CNOT2: variants seen among roughly 807,000 people sequenced by gnomAD.
CNOT2 encodes CC chemokine receptor 4-negative regulator of transcription 2.
CNOT2 carries 7 observed loss-of-function variants against 72.1 expected under a neutral mutation model. The observed-to-expected ratio is 0.10, with a 90% CI of 0.06 to 0.18. CNOT2 has a LOEUF of 0.18. Ranked by LOEUF, CNOT2 falls within the 10% of genes least tolerant of loss-of-function variation. The pLI is 1.00. For missense variants in CNOT2, 345 were observed against 660.3 expected, an observed-to-expected ratio of 0.52 and a Z score of 5.23; for synonymous variants, 196 against 225.6, an observed-to-expected ratio of 0.87 and a Z score of 1.17.
chr12:70,257,946 G>A (rs1271593097), intron 1 of CNOT2, among the ~76,000 whole-genome samples: 1 of 152,080 alleles, frequency 6.6e-6, no homozygotes, highest in Non-Finnish European at 1.5e-5. Flanking sequence ...TGTAAATTGT[G>A]TCCTTTTTAA....
intron 1 of CNOT2, among the ~76,000 whole-genome samples, chr12:70,270,074 A>G (rs765325059): frequency 3.9e-5 from 6 of 152,196 alleles, no homozygotes; most frequent in Non-Finnish European, 8.8e-5. Context: ...ACTACCTGGC[A>G]TATAGTAGGG....
chr12:70,275,196 C>T (rs190917488), intron 1 of CNOT2, among the ~76,000 whole-genome samples: 28 of 152,152 alleles, frequency 1.8e-4, no homozygotes, highest in Admixed American at 1.6e-3. Flanking sequence ...GAACCACTCT[C>T]CTCTGATTTG....
chr12:70,260,470 CG>C (rs1346097010), intron 1 of CNOT2, among the ~76,000 whole-genome samples: 2 of 151,902 alleles, frequency 1.3e-5, no homozygotes, highest in African/African-American at 4.8e-5. Flanking sequence ...TTAATTTTGG[CG>C]TATTGATTTT....
At chr12:70,326,725 A>G (rs2136010982) in intron 4 of CNOT2, among the ~76,000 whole-genome samples, 1 of 152,002 alleles carries the variant, frequency 6.6e-6, no homozygotes, top group Non-Finnish European at 1.5e-5. Flanking sequence ...AGTAACAATT[A>G]TTAAGTATTC....
chr12:70,270,916 A>G (rs952165010), intron 1 of CNOT2, among the ~76,000 whole-genome samples: 2 of 152,234 alleles, frequency 1.3e-5, no homozygotes, highest in African/African-American at 2.4e-5. Context: ...GTTCGGAAGG[A>G]CTTATATAAA....
upstream of CNOT2, chr12:70,243,209 G>A (rs1047799513): frequency 6.6e-6 from 1 of 152,562 alleles, no homozygotes; most frequent in Non-Finnish European, 1.5e-5. Flanking sequence ...GCCTCCCTGT[G>A]AGTCGGTGGG....
chr12:70,298,039 G>A (rs1348081701), intron 2 of CNOT2, among the ~76,000 whole-genome samples: 2 of 152,144 alleles, frequency 1.3e-5, no homozygotes, highest in African/African-American at 4.8e-5. Flanking sequence ...GCACCTGGTG[G>A]ATAATAATTT....
intron 2 of CNOT2, among the ~76,000 whole-genome samples, chr12:70,295,835 G>A (rs928636051): frequency 6.6e-6 from 1 of 152,032 alleles, no homozygotes; most frequent in Admixed American, 6.6e-5. Context: ...TATATTAATT[G>A]TTCAAATGTG....
chr12:70,244,337 A>C (rs186708200), intron 1 of CNOT2: 175 of 152,244 alleles, frequency 1.1e-3, no homozygotes, highest in African/African-American at 4.1e-3. Context: ...GTCTCGCTTA[A>C]AAGTTTAACA....
At chr12:70,281,084 CT>C (rs200263074) in intron 2 of CNOT2, among the ~76,000 whole-genome samples, 20,439 of 140,848 alleles carry the variant, frequency 0.15, 933 homozygotes, top group East Asian at 0.21. Flanking sequence ...ATGGCTTTCC[CT>C]TTTTTTTTTT....
intron 1 of CNOT2, among the ~76,000 whole-genome samples, chr12:70,260,379 A>G (rs1028516784): frequency 6.6e-6 from 1 of 151,954 alleles, no homozygotes; most frequent in Non-Finnish European, 1.5e-5. Context: ...TAAGTGTTTT[A>G]TTCTCTTGGA....
chr12:70,345,509 G>C (rs1882053810), intron 14 of CNOT2: 1 of 152,102 alleles, frequency 6.6e-6, no homozygotes, highest in Non-Finnish European at 1.5e-5. Flanking sequence ...TGGTAGGAAA[G>C]CATTTCTTTA....
chr12:70,265,459 G>A (rs1195190841), intron 1 of CNOT2, among the ~76,000 whole-genome samples: 1 of 151,660 alleles, frequency 6.6e-6, no homozygotes, highest in Admixed American at 6.6e-5. Flanking sequence ...AGTTGTTCTG[G>A]TATTATTATC....
intron 2 of CNOT2, among the ~76,000 whole-genome samples, chr12:70,283,675 AG>A (rs1870316673): frequency 1.3e-5 from 2 of 151,060 alleles, no homozygotes; most frequent in Non-Finnish European, 3.0e-5. Flanking sequence ...AAAGGAAAAA[AG>A]CCTGAATCCA....
chr12:70,265,273 T>TTCTTC (rs1555188161), intron 1 of CNOT2, among the ~76,000 whole-genome samples: 21,227 of 125,246 alleles, frequency 0.17, 2,002 homozygotes, highest in East Asian at 0.3. Flanking sequence ...TTCGTTTTGT[T>TTCTTC]TCTTCTCTTC....
chr12:70,353,910 T>C lies in CNOT2; in HGVS notation c.1618T>C (p.Phe540Leu). The change falls in exon 16 of 16, where the codon TTC (phenylalanine) becomes CTC (leucine). Residue 540 changes from phenylalanine (F) to leucine (L), a missense_variant. By Grantham distance (22) the Phe-to-Leu change is conservative. This residue lies in a region of CNOT2 where 53 missense variants were observed against 153.4 expected (regional missense o/e 0.35). Coordinates refer to ENST00000229195, the MANE Select transcript of CNOT2 (RefSeq NM_014515.7). ...TFNYNPAQQA[F>L] ...CAACTACAACCCTGCTCAGCAAGCCTTCTAAAAAAAAAAAAAAAAAAAAAA... is the reference window on the plus strand; with the variant it reads ...CAACTACAACCCTGCTCAGCAAGCCCTCTAAAAAAAAAAAAAAAAAAAAAA... 1 of 1,361,198 alleles carries C rather than the reference T, an allele frequency of 7.3e-7. No homozygotes were observed. Among genetic ancestry groups the C allele is most frequent in the Non-Finnish European group, 9.8e-7 (1 of 1,023,276 alleles). 84.3% of individuals were successfully genotyped at this position (1,361,198 alleles called of 1,614,324 possible).
intron 7 of CNOT2, 124 bp from the exon 8 acceptor site, chr12:70,335,314 G>A (rs1356369740): frequency 1.2e-5 from 8 of 692,034 alleles, no homozygotes; most frequent in Middle Eastern, 2.8e-4. Context: ...CATACACCTA[G>A]TACAGTGCCG....
intron 1 of CNOT2, among the ~76,000 whole-genome samples, chr12:70,254,109 G>A (rs1417507377): frequency 4.6e-5 from 7 of 151,776 alleles, no homozygotes; most frequent in African/African-American, 1.2e-4. Flanking sequence ...GTGGTGGCAC[G>A]CGCCTGTAGT....
At chr12:70,340,829 A>C (rs1881390939) in intron 11 of CNOT2, among the ~76,000 whole-genome samples, 1 of 146,002 alleles carries the variant, frequency 6.8e-6, no homozygotes, top group Non-Finnish European at 1.5e-5. Flanking sequence ...TTAATACATT[A>C]CTCCTCTGCT....
Sources: gnomAD v4.1 joint callset for allele counts (sites outside exome capture counted in the v4.1 genomes callset) on GRCh38, gnomAD v4.1.1 for gene constraint, gnomAD v4.1.1 regional missense constraint, MANE v1.5 for transcripts, NCBI Gene and HGNC (gene_info 2026-07-23, HGNC 2026-07-21) for gene names.